NPAS3: variants seen among roughly 807,000 people sequenced by gnomAD.
The protein encoded by NPAS3 is neuronal PAS domain-containing protein 3.
A neutral mutation model predicts 73.1 loss-of-function variants in NPAS3; 14 were observed. That is an observed-to-expected ratio of 0.19 (90% confidence interval 0.13 to 0.30). The LOEUF (loss-of-function observed/expected upper bound fraction) is 0.30. Among genes scored for constraint, NPAS3 ranks in the 10% least tolerant of loss-of-function variants. NPAS3 has a pLI of 1.00. For synonymous variants in NPAS3, 620 were observed against 541.5 expected, an observed-to-expected ratio of 1.14 and a Z score of -2.01; for missense variants, 1,096 against 1,250.0, an observed-to-expected ratio of 0.88 and a Z score of 1.86.
At position 33,574,887 on chromosome 14, in the gene NPAS3, C is replaced by T. The variant is rs1377532714; in HGVS notation, c.558+14677C>T. ...GACCAGTTCTGAACTCATGGTGGCT[C>T]TCACCTGGTAAAGGTGAAACCAGAA... On this transcript the variant is annotated intron_variant, in intron 5 of 11. Coordinates refer to ENST00000356141, the Ensembl canonical transcript of NPAS3. Among the ~76,000 whole-genome samples the T allele has an allele frequency of 2.0e-5, 3 of 152,146 alleles. 1 individual carries two copies. The highest frequency in any genetic ancestry group is 4.4e-5 in the Non-Finnish European group (3 of 68,030).
chr14:33,284,442 C>A (rs886391519), intron 3 of NPAS3, among the ~76,000 whole-genome samples: 2 of 151,838 alleles, frequency 1.3e-5, no homozygotes, highest in African/African-American at 4.8e-5. Flanking sequence ...GTAGTGTGTG[C>A]CAGTATGGGT....
intron 1 of NPAS3, among the ~76,000 whole-genome samples, chr14:33,017,756 G>C (rs1352418746): frequency 6.6e-6 from 1 of 152,082 alleles, no homozygotes; most frequent in African/African-American, 2.4e-5. Context: ...ATGGTAGCTA[G>C]TGCTTATTTA....
intron 3 of NPAS3, among the ~76,000 whole-genome samples, chr14:33,300,610 G>A (rs536815897): frequency 6.6e-6 from 1 of 152,302 alleles, no homozygotes; most frequent in Admixed American, 6.5e-5. Flanking sequence ...GGAGTGGGCA[G>A]AGCTGGAGTT....
intron 4 of NPAS3, among the ~76,000 whole-genome samples, chr14:33,557,180 C>A (rs2055395873): frequency 1.2e-5 from 1 of 82,076 alleles, no homozygotes; most frequent in African/African-American, 3.9e-5. Context: ...TTCCGCTATA[C>A]TACATCCCTG....
intron 6 of NPAS3, among the ~76,000 whole-genome samples, chr14:33,689,568 G>A (rs1023150994): frequency 5.3e-5 from 8 of 152,022 alleles, no homozygotes; most frequent in South Asian, 4.2e-4. Context: ...TACACAAATC[G>A]TAGTACCCAA....
chr14:33,693,659 C>A (rs2060295173), intron 6 of NPAS3, among the ~76,000 whole-genome samples: 2 of 152,108 alleles, frequency 1.3e-5, no homozygotes, highest in Admixed American at 6.6e-5. Flanking sequence ...TGCACTCTGA[C>A]AGCCAAGAAA....
chr14:33,642,185 C>G (rs1835400958), intron 5 of NPAS3, among the ~76,000 whole-genome samples: 1 of 152,204 alleles, frequency 6.6e-6, no homozygotes, highest in African/African-American at 2.4e-5. Context: ...GTCCTGTCTT[C>G]ATTTTCTTTT....
intron 3 of NPAS3, among the ~76,000 whole-genome samples, chr14:33,281,484 T>C (rs2041605188): frequency 6.6e-6 from 1 of 152,070 alleles, no homozygotes; most frequent in Non-Finnish European, 1.5e-5. Context: ...ATACAAAAAT[T>C]AGCCGGGCGT....
At chr14:33,235,511 C>T (rs2048000952) in intron 3 of NPAS3, among the ~76,000 whole-genome samples, 1 of 151,896 alleles carries the variant, frequency 6.6e-6, no homozygotes, top group African/African-American at 2.4e-5. Context: ...TTGGTGTTCT[C>T]TGATGGCATA....
At chr14:33,694,179 C>G (rs2060310959) in intron 6 of NPAS3, among the ~76,000 whole-genome samples, 1 of 143,310 alleles carries the variant, frequency 7.0e-6, no homozygotes. Context: ...CCATCTGCAA[C>G]CCCCTCGCCC....
At chr14:33,750,733 T>C (rs1272177918) in intron 7 of NPAS3, among the ~76,000 whole-genome samples, 1 of 152,190 alleles carries the variant, frequency 6.6e-6, no homozygotes, top group East Asian at 1.9e-4. Flanking sequence ...TACACTGTAC[T>C]GGGTACTGGG....
At chr14:33,622,013 A>G (rs2058089519) in intron 5 of NPAS3, among the ~76,000 whole-genome samples, 1 of 152,192 alleles carries the variant, frequency 6.6e-6, no homozygotes, top group Non-Finnish European at 1.5e-5. Flanking sequence ...GTAAATTTTA[A>G]TGACTCTGAA....
At chr14:33,399,455 T>G (rs2047358508) in intron 4 of NPAS3, among the ~76,000 whole-genome samples, 1 of 152,080 alleles carries the variant, frequency 6.6e-6, no homozygotes, top group Admixed American at 6.6e-5. Context: ...CATTAAACTT[T>G]CAAAGAGACA....
chr14:33,216,235 T>G (rs962747253), intron 3 of NPAS3, among the ~76,000 whole-genome samples: 4 of 152,232 alleles, frequency 2.6e-5, no homozygotes, highest in African/African-American at 9.6e-5. Context: ...CTAGACACTT[T>G]ATAGCATGAA....
intron 4 of NPAS3, among the ~76,000 whole-genome samples, chr14:33,427,102 C>T (rs1461814791): frequency 6.6e-6 from 1 of 151,970 alleles, no homozygotes; most frequent in African/African-American, 2.4e-5. Flanking sequence ...TTTTTGTGCT[C>T]TTATCCTAGC....
intron 3 of NPAS3, among the ~76,000 whole-genome samples, chr14:33,332,898 G>A (rs1015526297): frequency 6.6e-6 from 1 of 152,166 alleles, no homozygotes; most frequent in African/African-American, 2.4e-5. Flanking sequence ...ATATTTATTG[G>A]CATTTCATTG....
chr14:32,981,714 C>T (rs186336768), intron 1 of NPAS3, among the ~76,000 whole-genome samples: 9 of 152,232 alleles, frequency 5.9e-5, no homozygotes, highest in East Asian at 1.9e-4. Flanking sequence ...AGTTTTCTTA[C>T]GGCAGCACAA....
intron 2 of NPAS3, among the ~76,000 whole-genome samples, chr14:33,212,173 A>G (rs1007455526): frequency 2.0e-5 from 3 of 152,222 alleles, no homozygotes; most frequent in African/African-American, 2.4e-5. Flanking sequence ...TCATTGTCTT[A>G]AGGTCTTTGT....
At chr14:33,316,453 G>A (rs953927586) in intron 3 of NPAS3, among the ~76,000 whole-genome samples, 21 of 152,166 alleles carry the variant, frequency 1.4e-4, no homozygotes, top group East Asian at 7.7e-4. Flanking sequence ...GAGAGACACA[G>A]GCCCTGCAGA....
Sources: gnomAD v4.1 joint callset for allele counts (sites outside exome capture counted in the v4.1 genomes callset) on GRCh38, gnomAD v4.1.1 for gene constraint, MANE v1.5 for transcripts, NCBI Gene and HGNC (gene_info 2026-07-23, HGNC 2026-07-21) for gene names.